RMP64: variants seen among roughly 807,000 people sequenced by gnomAD.
RMP64 encodes ribonuclease MRP subunit p64.
At chr3:113,016,736 T>C in the RMP64 span, among the ~76,000 whole-genome samples, 1 of 152,182 alleles carries the variant, frequency 6.6e-6, no homozygotes. Flanking sequence ...CACTCCTCTA[T>C]ACACAGCACT....
chr3:113,006,710 A>G, the RMP64 span, among the ~76,000 whole-genome samples: 1 of 152,216 alleles, frequency 6.6e-6, no homozygotes, highest in East Asian at 1.9e-4. Context: ...GAAGCCCATT[A>G]TAATAAAGTA....
chr3:113,005,623 C>A, the RMP64 span: 2 of 1,613,634 alleles, frequency 1.2e-6, no homozygotes, highest in Admixed American at 1.7e-5. Context: ...TTTGCATCAC[C>A]GTCCACGAAT....
At chr3:113,017,359 A>C in the RMP64 span, 1 of 1,093,128 alleles carries the variant, frequency 9.1e-7, no homozygotes. Flanking sequence ...GATTTCCACG[A>C]GATTTCCATA....
chr3:113,013,023 T>C, the RMP64 span: 6 of 614,396 alleles, frequency 9.8e-6, no homozygotes, highest in African/African-American at 3.7e-5. Flanking sequence ...TCTTAAAGTT[T>C]AGTTTCTAAG....
the RMP64 span, among the ~76,000 whole-genome samples, chr3:113,014,212 C>G: frequency 6.6e-6 from 1 of 152,124 alleles, no homozygotes; most frequent in Admixed American, 6.5e-5. Context: ...CTTCTAGTTA[C>G]AAATTTGGAA....
the RMP64 span, among the ~76,000 whole-genome samples, chr3:113,015,756 G>A: frequency 4.6e-5 from 7 of 151,454 alleles, no homozygotes; most frequent in Non-Finnish European, 7.4e-5. Flanking sequence ...TCCTACTTCA[G>A]GGATCACATG....
the RMP64 span, chr3:113,010,760 T>G: frequency 7.1e-7 from 1 of 1,411,044 alleles, no homozygotes; most frequent in Non-Finnish European, 1.0e-6. Flanking sequence ...TTTTCAAATC[T>G]ACAACAAATT....
the RMP64 span, among the ~76,000 whole-genome samples, chr3:113,016,133 C>T: frequency 1.3e-5 from 2 of 151,184 alleles, no homozygotes; most frequent in African/African-American, 4.9e-5. Flanking sequence ...GAGAGAAGCC[C>T]GAACTAAGAA....
At chr3:113,007,479 A>C in the RMP64 span, among the ~76,000 whole-genome samples, 1 of 152,220 alleles carries the variant, frequency 6.6e-6, no homozygotes, top group Admixed American at 6.5e-5. Context: ...ACAATAAAAA[A>C]CAGGTCAGAA....
At chr3:113,002,475 AT>A in the RMP64 span, 1 of 152,310 alleles carries the variant, frequency 6.6e-6, no homozygotes, top group African/African-American at 2.4e-5. Context: ...ATAGGGACTT[AT>A]GCACAGAAGC....
At chr3:113,008,071 G>A in the RMP64 span, 16 of 1,069,390 alleles carry the variant, frequency 1.5e-5, 1 homozygote, top group South Asian at 4.5e-5. Flanking sequence ...GCCCCGCTGC[G>A]GCTGCTGGAC....
chr3:113,017,960 CAT>C, the RMP64 span, among the ~76,000 whole-genome samples: 12 of 152,316 alleles, frequency 7.9e-5, no homozygotes, highest in African/African-American at 2.4e-4. Context: ...AGGTAGGGCA[CAT>C]GTCACAACAT....
the RMP64 span, chr3:113,006,039 A>T: frequency 2.8e-6 from 4 of 1,425,786 alleles, no homozygotes; most frequent in Non-Finnish European, 3.9e-6. Flanking sequence ...ATCTGGGCTT[A>T]AGATGAGAAA....
the RMP64 span, chr3:113,003,452 T>TTAAA: frequency 2.0e-5 from 3 of 151,780 alleles, no homozygotes; most frequent in African/African-American, 7.3e-5. Flanking sequence ...TTTTTAAATG[T>TTAAA]TAAATATTTG....
the RMP64 span, among the ~76,000 whole-genome samples, chr3:113,010,292 G>T: frequency 1.3e-5 from 2 of 152,160 alleles, no homozygotes; most frequent in African/African-American, 4.8e-5. Flanking sequence ...GAAACTCACA[G>T]AAGGTCACAC....
At chr3:113,008,301 G>C in the RMP64 span, 2 of 1,614,098 alleles carry the variant, frequency 1.2e-6, no homozygotes, top group South Asian at 1.1e-5. Flanking sequence ...TCAGAAAGTT[G>C]TGTGAAGGAC....
chr3:113,011,122 T>G, the RMP64 span: 1 of 1,613,362 alleles, frequency 6.2e-7, no homozygotes, highest in Non-Finnish European at 8.5e-7. Flanking sequence ...TTGTTTAGCT[T>G]TTTTTGAAAT....
the RMP64 span, chr3:113,008,273 A>G: frequency 6.2e-7 from 1 of 1,614,170 alleles, no homozygotes; most frequent in South Asian, 1.1e-5. Flanking sequence ...GCACCATACA[A>G]CTGCCATCTG....
the RMP64 span, chr3:113,008,313 C>T: frequency 1.2e-5 from 20 of 1,614,142 alleles, no homozygotes; most frequent in Admixed American, 1.7e-5. Context: ...GTGAAGGACT[C>T]AGCCTCTCGG....
Sources: gnomAD v4.1 joint callset for allele counts (sites outside exome capture counted in the v4.1 genomes callset) on GRCh38, gnomAD v4.1.1 for gene constraint, MANE v1.5 for transcripts, NCBI Gene and HGNC (gene_info 2026-07-23, HGNC 2026-07-21) for gene names.